SMAP1: variants seen among roughly 807,000 people sequenced by gnomAD.
SMAP1 encodes stromal membrane-associated protein 1.
In SMAP1, 24 loss-of-function variants were observed where a neutral mutation model predicts 58.5. The ratio of observed to expected loss-of-function variants is 0.41; its 90% CI spans 0.30 to 0.58. SMAP1 has a LOEUF of 0.58. Ranked by LOEUF, SMAP1 falls within the 20% of genes least tolerant of loss-of-function variation. The probability of loss-of-function intolerance (pLI) is 0.29; values close to 1 mark genes in which losing one functional copy is unlikely to be tolerated. For synonymous variants in SMAP1, 216 were observed against 196.6 expected (o/e 1.10, Z -0.82); for missense variants, 563 against 566.3 (o/e 0.99, Z 0.06).
chr6:70,756,857 G>T (rs1410264700), intron 3 of SMAP1, among the ~76,000 whole-genome samples: 2 of 151,920 alleles, frequency 1.3e-5, no homozygotes, highest in African/African-American at 2.4e-5. Flanking sequence ...CACTGCTCAA[G>T]GAAATAAAAG....
At chr6:70,752,865 C>T (rs1381662221) in intron 2 of SMAP1, among the ~76,000 whole-genome samples, 1 of 151,940 alleles carries the variant, frequency 6.6e-6, no homozygotes, top group Non-Finnish European at 1.5e-5. Flanking sequence ...TCCCCAAATC[C>T]CAACTAACAA....
At chr6:70,684,420 G>A (rs1766850197) in intron 1 of SMAP1, among the ~76,000 whole-genome samples, 1 of 151,950 alleles carries the variant, frequency 6.6e-6, no homozygotes, top group Admixed American at 6.6e-5. Flanking sequence ...AAGTCACCTG[G>A]GCAAAGAAAG....
intron 6 of SMAP1, among the ~76,000 whole-genome samples, chr6:70,806,775 A>T (rs1323087835): frequency 6.6e-6 from 1 of 152,174 alleles, no homozygotes; most frequent in Non-Finnish European, 1.5e-5. Context: ...TAAGCAGTTA[A>T]ACATATTTGG....
intron 1 of SMAP1, chr6:70,668,576 C>T: frequency 2.0e-6 from 3 of 1,535,450 alleles, no homozygotes; most frequent in South Asian, 1.2e-5. Context: ...CCTCCTCTAC[C>T]CTCCGGTGTG....
chr6:70,763,106 CTTTTTTTTT>C (rs35936929), intron 3 of SMAP1, among the ~76,000 whole-genome samples: 4 of 84,462 alleles, frequency 4.7e-5, no homozygotes, highest in Admixed American at 3.0e-4. Flanking sequence ...ACAGATATTA[CTTTTTTTTT>C]TTTTTTTTTT....
chr6:70,812,294 G>A (rs765064131), intron 6 of SMAP1, among the ~76,000 whole-genome samples: 5 of 152,248 alleles, frequency 3.3e-5, no homozygotes, highest in Admixed American at 1.3e-4. Context: ...AGAAATTAGC[G>A]TTTTCTTAAT....
chr6:70,698,755 C>CT (rs78874963), intron 1 of SMAP1, among the ~76,000 whole-genome samples: 69,824 of 151,834 alleles, frequency 0.46, 16,341 homozygotes, highest in South Asian at 0.5. Flanking sequence ...ATTTCAATCT[C>CT]TTGTTAAATT....
rs191849268 is a variant in SMAP1 at position 70,744,697 on chromosome 6, A to G, written c.253-10283A>G. On this transcript the variant is annotated intron_variant, in intron 2 of 10. Coordinates refer to ENST00000370455, the MANE Select transcript of SMAP1 (RefSeq NM_001044305.3). ...CTTTGGGTATATACCCAGTAATGGG[A>G]TGGCTGGGTCAAATGGCATTTCTAG... Among the ~76,000 whole-genome samples, 661 of 152,306 alleles carry G rather than the reference A, an allele frequency of 4.3e-3. 5 individuals carry two copies. In the Middle Eastern group the frequency reaches 0.048, roughly 11 times the overall value.
chr6:70,723,820 T>G (rs992981685), intron 1 of SMAP1, among the ~76,000 whole-genome samples: 1 of 152,228 alleles, frequency 6.6e-6, no homozygotes, highest in Non-Finnish European at 1.5e-5. Flanking sequence ...AAAATAGCAA[T>G]TCCGAGGGAA....
At chr6:70,839,458 AT>A (rs1162042277) in intron 7 of SMAP1, among the ~76,000 whole-genome samples, 1 of 152,106 alleles carries the variant, frequency 6.6e-6, no homozygotes, top group Non-Finnish European at 1.5e-5. Flanking sequence ...ACTAACATTT[AT>A]TTCTGTCACT....
intron 6 of SMAP1, among the ~76,000 whole-genome samples, chr6:70,835,890 G>A (rs553660793): frequency 4.6e-5 from 7 of 152,186 alleles, no homozygotes; most frequent in East Asian, 1.9e-4. Flanking sequence ...TCTGTCCTAC[G>A]CAATGTTTTT....
At chr6:70,785,686 A>C (rs921234157) in intron 4 of SMAP1, among the ~76,000 whole-genome samples, 1 of 152,244 alleles carries the variant, frequency 6.6e-6, no homozygotes, top group African/African-American at 2.4e-5. Flanking sequence ...CTACGCAAAT[A>C]AACTAGAAAA....
chr6:70,766,837 A>G (rs1450792341), intron 3 of SMAP1, among the ~76,000 whole-genome samples: 2 of 152,212 alleles, frequency 1.3e-5, no homozygotes, highest in Admixed American at 6.5e-5. Context: ...TATGTCCTGA[A>G]TGATAATGCC....
chr6:70,688,821 T>G (rs1490223793), intron 1 of SMAP1, among the ~76,000 whole-genome samples: 1 of 152,174 alleles, frequency 6.6e-6, no homozygotes. Flanking sequence ...TGGACTGTAT[T>G]TTTAGCAAGT....
In SMAP1 at chr6:70,811,506, G is replaced by A. The variant is rs79140411; in HGVS notation, c.576+12769G>A. ...GGAGGGCACCGGTGAGATCAGTCAA[G>A]GCTTCCTTTGAATATAGTTGTCCTT... On this transcript the variant is annotated intron_variant, in intron 6 of 10. Transcript: ENST00000370455. 3.6e-3 allele frequency among the ~76,000 whole-genome samples: 554 copies of A among 152,132 alleles called. 2 individuals are homozygous for A. Among genetic ancestry groups the A allele is most frequent in the African/African-American group, 0.013 (531 of 41,504 alleles).
intron 1 of SMAP1, among the ~76,000 whole-genome samples, chr6:70,696,973 C>G (rs1192175477): frequency 2.6e-5 from 4 of 152,158 alleles, no homozygotes; most frequent in Non-Finnish European, 1.5e-5. Flanking sequence ...GAGTTGACCC[C>G]TTTATCATTA....
chr6:70,819,986 C>T (rs970904999), intron 6 of SMAP1, among the ~76,000 whole-genome samples: 1 of 152,174 alleles, frequency 6.6e-6, no homozygotes, highest in African/African-American at 2.4e-5. Context: ...GTCCCACTGT[C>T]TGCTTGCCTT....
In SMAP1 at chr6:70,807,847, C is replaced by G. The variant is rs1480953653; in HGVS notation, c.576+9110C>G. On this transcript the variant is annotated intron_variant, in intron 6 of 10. Coordinates refer to ENST00000370455, the MANE Select transcript of SMAP1 (RefSeq NM_001044305.3). ...TTACCCCCACTGTGCCGTTGAAAAT[C>G]CTCATATAACTTTTGATTCCTCAGA... is the stretch of plus-strand genomic sequence containing the variant. Among the ~76,000 whole-genome samples the G allele has an allele frequency of 2.0e-4, 30 of 152,018 alleles. 1 individual carries two copies. The highest frequency in any genetic ancestry group is 1.9e-3 in the Admixed American group (29 of 15,260).
chr6:70,727,018 T>TG (rs547019249), intron 1 of SMAP1, among the ~76,000 whole-genome samples: 116 of 151,474 alleles, frequency 7.7e-4, no homozygotes, highest in African/African-American at 2.3e-3. Flanking sequence ...CTCTTCAAGA[T>TG]GGGGGGGGCA....
Sources: gnomAD v4.1 joint callset for allele counts (sites outside exome capture counted in the v4.1 genomes callset) on GRCh38, gnomAD v4.1.1 for gene constraint, MANE v1.5 for transcripts, NCBI Gene and HGNC (gene_info 2026-07-23, HGNC 2026-07-21) for gene names.